Variants in APOOL observed in about 807,000 individuals in gnomAD.
APOOL encodes apolipoprotein O like.
APOOL carries 12 observed loss-of-function variants against 23.1 expected under a neutral mutation model. That is an observed-to-expected ratio of 0.52 (90% CI 0.33 to 0.84). The LOEUF is 0.84. Ranked by LOEUF, APOOL falls within the 40% of genes least tolerant of loss-of-function variation. The probability of loss-of-function intolerance (pLI) is 0.02; values close to 1 mark genes in which losing one functional copy is unlikely to be tolerated. For synonymous variants in APOOL, 77 were observed against 69.9 expected, an observed-to-expected ratio of 1.10 and a Z score of -0.51; for missense variants, 212 against 199.6, an observed-to-expected ratio of 1.06 and a Z score of -0.37.
At chrX:85,037,908 A>C (rs1922267963) in intron 1 of APOOL, among the ~76,000 whole-genome samples, 1 of 111,604 alleles carries the variant, frequency 9.0e-6, no homozygotes, top group African/African-American at 3.3e-5. Context: ...TCTTGTAGAC[A>C]TCAGTCTAGG....
At chrX:85,032,514 CAAA>C (rs147357908) in intron 1 of APOOL, among the ~76,000 whole-genome samples, 1 of 66,621 alleles carries the variant, frequency 1.5e-5, no homozygotes. Flanking sequence ...AATTCCTTCT[CAAA>C]AAAAAAAAAA....
intron 4 of APOOL, 141 bp from the exon 5 acceptor site, chrX:85,055,686 G>T: frequency 2.7e-6 from 1 of 376,202 alleles, no homozygotes; most frequent in Non-Finnish European, 4.4e-6. Context: ...TACTCATATT[G>T]TCATTATATG....
intron 8 of APOOL, among the ~76,000 whole-genome samples, chrX:85,078,807 T>A (rs1282510029): frequency 9.0e-6 from 1 of 111,398 alleles, no homozygotes; most frequent in Non-Finnish European, 1.9e-5. Flanking sequence ...GTCCTTCACA[T>A]CCCTTGTAAG....
Position 85,088,778 on chromosome X carries a change from C to G in APOOL, c.*1100C>G, listed in dbSNP as rs1056624041. Reference sequence around the variant, plus strand: ...ATTCCTTCCCATCTAAGACCATATTCCACCCTGTTTAATTTCTAGTCTTCG... The same window carrying G: ...ATTCCTTCCCATCTAAGACCATATTGCACCCTGTTTAATTTCTAGTCTTCG... On this transcript the variant is annotated 3_prime_UTR_variant, in exon 9 of 9. Transcript: ENST00000373173. 1.5e-5 allele frequency: 1 copy of G among 68,077 alleles called. No individual in the cohort carries two copies. Among genetic ancestry groups the G allele is most frequent in the African/African-American group, 5.6e-5 (1 of 17,790 alleles). The allele number at this position is 68,077 out of a possible 1,213,427, so 5.6% of individuals were successfully genotyped here. A position where few individuals can be genotyped will look rare whatever the true frequency, so the allele number is the denominator to read the frequency against.
At chrX:85,027,793 T>C (rs1921893893) in intron 1 of APOOL, among the ~76,000 whole-genome samples, 1 of 112,386 alleles carries the variant, frequency 8.9e-6, no homozygotes. Context: ...ATCAATTTGT[T>C]GTAAGTGATT....
At chrX:85,071,928 A>T (rs1189985890) in intron 6 of APOOL, among the ~76,000 whole-genome samples, 2 of 111,637 alleles carry the variant, frequency 1.8e-5, no homozygotes, top group African/African-American at 6.5e-5. Context: ...CCCCGTCTCT[A>T]CTAAAAATAC....
chrX:85,031,390 T>A (rs1922032142), intron 1 of APOOL, among the ~76,000 whole-genome samples: 1 of 111,246 alleles, frequency 9.0e-6, no homozygotes, highest in South Asian at 3.8e-4. Flanking sequence ...ATATGAGAGG[T>A]CTAAGACTAC....
At chrX:85,048,978 T>C (rs755329087) in intron 2 of APOOL, among the ~76,000 whole-genome samples, 10 of 111,320 alleles carry the variant, frequency 9.0e-5, no homozygotes, top group Non-Finnish European at 1.9e-4. Context: ...AATGCATGTA[T>C]ACAGCCAGCC....
chrX:85,036,369 A>T (rs1182965799), intron 1 of APOOL, among the ~76,000 whole-genome samples: 1 of 112,099 alleles, frequency 8.9e-6, no homozygotes, highest in Non-Finnish European at 1.9e-5. Context: ...TAGAACCACA[A>T]CCTATTGGAC....
chrX:85,021,255 C>G (rs947017752), intron 1 of APOOL, among the ~76,000 whole-genome samples: 4 of 110,925 alleles, frequency 3.6e-5, no homozygotes, highest in African/African-American at 1.3e-4. Context: ...AGGCTGGCCC[C>G]AGAACCCAGG....
At chrX:85,004,403 CAT>C (rs2042791364) in intron 1 of APOOL, among the ~76,000 whole-genome samples, 1 of 111,911 alleles carries the variant, frequency 8.9e-6, no homozygotes, top group African/African-American at 3.3e-5. Flanking sequence ...CTGGTTTACA[CAT>C]AGTGTTGTTG....
chrX:85,013,232 A>G (rs1183417591), intron 1 of APOOL, among the ~76,000 whole-genome samples: 1 of 111,011 alleles, frequency 9.0e-6, no homozygotes, highest in Non-Finnish European at 1.9e-5. Context: ...CTCTTCTTTA[A>G]TCTCTCTAAT....
chrX:85,055,584 CG>C (rs1184379660), intron 4 of APOOL, among the ~76,000 whole-genome samples: 3 of 111,233 alleles, frequency 2.7e-5, no homozygotes, highest in African/African-American at 9.8e-5. Flanking sequence ...TAGTAATAAC[CG>C]TCAGTATCAT....
chrX:85,038,509 A>C (rs1212334674), intron 1 of APOOL, among the ~76,000 whole-genome samples: 1 of 92,323 alleles, frequency 1.1e-5, no homozygotes, highest in African/African-American at 4.3e-5. Context: ...TAAGCTGTGA[A>C]TCTATCTGGT....
chrX:85,019,599 G>C (rs747827378), intron 1 of APOOL, among the ~76,000 whole-genome samples: 11 of 112,225 alleles, frequency 9.8e-5, no homozygotes, highest in African/African-American at 3.6e-4. Flanking sequence ...AGCAGCTGAC[G>C]TGAGGATCTG....
At chrX:85,014,798 G>A (rs1452111134) in intron 1 of APOOL, among the ~76,000 whole-genome samples, 1 of 108,605 alleles carries the variant, frequency 9.2e-6, no homozygotes, top group Non-Finnish European at 1.9e-5. Flanking sequence ...TGTGTGTCTC[G>A]GTGATGATCT....
rs1169194451 is a variant in APOOL, at chrX:85,077,016, T to TATATATATATATATATATATATAC, written c.718+2626_718+2627insTATATATATATATATATATATACA. Reference sequence around the variant, plus strand: ...AAACTTATATATATATATATATATATACGTATATATATGTATGTATATATA... The same window carrying TATATATATATATATATATATATAC: ...AAACTTATATATATATATATATATATATATATATATATATATATATATACACGTATATATATGTATGTATATATA... On this transcript the variant is annotated intron_variant, in intron 8 of 8. Coordinates refer to ENST00000373173, the MANE Select transcript of APOOL (RefSeq NM_198450.6). Among the ~76,000 whole-genome samples, 12 of 95,262 alleles carry TATATATATATATATATATATATAC rather than the reference T, an allele frequency of 1.3e-4. No individual in the cohort carries two copies. In the East Asian group the frequency reaches 2.2e-3, roughly 18 times the overall value. 82.7% of individuals were successfully genotyped at this position (95,262 alleles called of 115,157 possible). A position where few individuals can be genotyped will look rare whatever the true frequency, so the allele number is the denominator to read the frequency against.
In APOOL at chrX:85,082,396, G is replaced by A. The variant is rs889215324; in HGVS notation, c.719-5194G>A. Among the ~76,000 whole-genome samples the A allele has an allele frequency of 6.3e-5, 7 of 110,844 alleles. No homozygotes were observed. In the Admixed American group the frequency reaches 6.8e-4, roughly 11 times the overall value. On this transcript the variant is annotated intron_variant, in intron 8 of 8. Coordinates refer to ENST00000373173, the MANE Select transcript of APOOL (RefSeq NM_198450.6). ...ATTTGCTAAAGGTCCACTCCAGACC[G>A]TGTTTGCTTGGGTATACCGAGCGGA... is the stretch of plus-strand genomic sequence containing the variant.
chrX:85,008,839 G>C (rs1232450214), intron 1 of APOOL, among the ~76,000 whole-genome samples: 1 of 111,085 alleles, frequency 9.0e-6, no homozygotes, highest in Non-Finnish European at 1.9e-5. Context: ...GATTGCTTTG[G>C]GTAGTATGGA....
Sources: allele counts gnomAD v4.1 joint callset (sites outside exome capture counted in the v4.1 genomes callset), GRCh38; gene constraint gnomAD v4.1.1; transcripts MANE v1.5; gene names NCBI Gene and HGNC (gene_info 2026-07-23, HGNC 2026-07-21).